RAB39A: variants seen among roughly 807,000 people sequenced by gnomAD.
RAB39A encodes the protein RAB39A, member RAS oncogene family, also known as ras-related protein Rab-39A.
A neutral mutation model predicts 20.9 loss-of-function variants in RAB39A; 17 were observed. That is an observed-to-expected ratio of 0.81 (90% confidence interval 0.56 to 1.22). The LOEUF is 1.22. Among genes scored for constraint, RAB39A ranks in the 50% most tolerant of loss-of-function variants. The pLI is 0.00. For synonymous variants in RAB39A, 99 were observed against 103.4 expected, an observed-to-expected ratio of 0.96 and a Z score of 0.26; for missense variants, 234 against 270.5, an observed-to-expected ratio of 0.87 and a Z score of 0.95.
intron 1 of RAB39A, among the ~76,000 whole-genome samples, chr11:107,956,968 G>T (rs1410644341): frequency 1.3e-5 from 2 of 152,198 alleles, no homozygotes; most frequent in African/African-American, 2.4e-5. Context: ...AAATCTTGAT[G>T]AAATTAAAGA....
At chr11:107,942,080 CAGAG>C (rs371337879) in intron 1 of RAB39A, among the ~76,000 whole-genome samples, 1 of 95,156 alleles carries the variant, frequency 1.1e-5, no homozygotes, top group African/African-American at 4.2e-5. Flanking sequence ...GCCTGGGCAA[CAGAG>C]AGAGATTCCA....
intron 1 of RAB39A, among the ~76,000 whole-genome samples, chr11:107,956,731 A>G (rs986803970): frequency 1.3e-5 from 2 of 152,248 alleles, no homozygotes; most frequent in Non-Finnish European, 2.9e-5. Context: ...TAGTGACACC[A>G]GCCTGCCTGG....
intron 1 of RAB39A, among the ~76,000 whole-genome samples, chr11:107,950,764 TAA>T (rs5794581): frequency 9.9e-5 from 13 of 131,306 alleles, no homozygotes; most frequent in Admixed American, 7.8e-5. Flanking sequence ...AGACCCTGTC[TAA>T]AAAAAAAAAA....
At chr11:107,947,033 C>G (rs1861326435) in intron 1 of RAB39A, among the ~76,000 whole-genome samples, 3 of 151,630 alleles carry the variant, frequency 2.0e-5, no homozygotes, top group African/African-American at 7.3e-5. Context: ...AACTAAAACA[C>G]TCAATATAAA....
At chr11:107,939,745 A>T (rs1024392485) in intron 1 of RAB39A, among the ~76,000 whole-genome samples, 2 of 152,192 alleles carry the variant, frequency 1.3e-5, no homozygotes, top group African/African-American at 4.8e-5. Context: ...TTGAAATAAC[A>T]TTTCCCTGTT....
rs751605622 is a variant in RAB39A, at chr11:107,928,589, C to A, written c.21C>A (p.Tyr7Ter). 2 of 1,573,510 alleles carry A rather than the reference C, an allele frequency of 1.3e-6. No homozygotes were observed. The highest frequency in any genetic ancestry group is 3.4e-5 in the Admixed American group (2 of 58,850). Residue 7 changes from tyrosine (Y) to a stop codon, truncating the protein, a stop_gained, in exon 1 of 2, where the codon TAC (tyrosine) becomes TAA (stop). Coordinates refer to ENST00000320578, the MANE Select transcript of RAB39A (RefSeq NM_017516.3). LOFTEE classifies it high-confidence loss of function. The surrounding 1 kb of genome is among the most constrained non-coding windows in gnomAD (Gnocchi z 4.9). ...GAGCGATGGAGACCATCTGGATCTA[C>A]CAGTTCCGCCTCATCGTGATCGGGG... The part of the protein sequence containing the change: METIWI[Y>*]QFRLIVIGDS...
chr11:107,955,731 A>T (rs1861428509), intron 1 of RAB39A, among the ~76,000 whole-genome samples: 1 of 152,124 alleles, frequency 6.6e-6, no homozygotes, highest in East Asian at 1.9e-4. Context: ...CCTGCTACTC[A>T]GGAGGCTGAG....
chr11:107,930,893 T>C (rs1591239347), intron 1 of RAB39A, among the ~76,000 whole-genome samples: 1 of 151,916 alleles, frequency 6.6e-6, no homozygotes, highest in Admixed American at 6.6e-5. Flanking sequence ...GCTCAACTTA[T>C]TGACAAGAAA....
At chr11:107,954,934 T>G (rs1397242638) in intron 1 of RAB39A, among the ~76,000 whole-genome samples, 1 of 150,988 alleles carries the variant, frequency 6.6e-6, no homozygotes, top group African/African-American at 2.4e-5. Flanking sequence ...AGCCAAGTTA[T>G]AAGCCAAGAA....
intron 1 of RAB39A, among the ~76,000 whole-genome samples, chr11:107,929,344 G>T (rs1262384323): frequency 2.0e-5 from 3 of 152,212 alleles, no homozygotes; most frequent in Non-Finnish European, 4.4e-5. Flanking sequence ...ACTGGGCATG[G>T]TTCACAGAGA....
At chr11:107,957,317 C>G (rs1322382209) in intron 1 of RAB39A, among the ~76,000 whole-genome samples, 2 of 151,886 alleles carry the variant, frequency 1.3e-5, no homozygotes, top group Non-Finnish European at 2.9e-5. Flanking sequence ...ATGGCATAAG[C>G]CTCAAAGGAG....
chr11:107,949,901 G>A (rs563814245), intron 1 of RAB39A, among the ~76,000 whole-genome samples: 7 of 152,200 alleles, frequency 4.6e-5, no homozygotes, highest in South Asian at 2.1e-4. Flanking sequence ...GGCCGGGCGC[G>A]GTGGCTCACA....
At chr11:107,947,587 T>C (rs1861331689) in intron 1 of RAB39A, among the ~76,000 whole-genome samples, 2 of 151,718 alleles carry the variant, frequency 1.3e-5, no homozygotes, top group East Asian at 1.9e-4. Flanking sequence ...CCCACCACAA[T>C]AGATGAAAAT....
At chr11:107,929,168 A>G (rs1233114915) in intron 1 of RAB39A, among the ~76,000 whole-genome samples, 2 of 152,230 alleles carry the variant, frequency 1.3e-5, no homozygotes, top group South Asian at 4.1e-4. Context: ...TGCGCACAGC[A>G]TGACCCGACC....
chr11:107,932,947 G>A (rs74349090), intron 1 of RAB39A, among the ~76,000 whole-genome samples: 7,439 of 152,240 alleles, frequency 0.049, 193 homozygotes, highest in Non-Finnish European at 0.056. Flanking sequence ...CTGGGCTCGT[G>A]TAATCTGCCT....
Position 107,928,501 on chromosome 11 carries a change from G to A in RAB39A, c.-68G>A. 2 of 1,271,154 alleles carry A rather than the reference G, an allele frequency of 1.6e-6. No homozygotes were observed. The highest frequency in any genetic ancestry group is 1.0e-6 in the Non-Finnish European group (1 of 958,336). The allele number at this position is 1,271,154 out of a possible 1,614,324, so 78.7% of individuals were successfully genotyped here. ...GGCGGGCGCCCGCGAGGTGCTGAAA[G>A]GACAGTTCCCGCCGCCGAACTTAGC... is the stretch of plus-strand genomic sequence containing the variant. On this transcript the variant is annotated 5_prime_UTR_variant, in exon 1 of 2. Transcript: ENST00000320578. This position sits in a 1 kb window ranked among gnomAD's most constrained non-coding sequence, Gnocchi z 4.9.
intron 1 of RAB39A, among the ~76,000 whole-genome samples, chr11:107,951,902 C>T (rs1353366833): frequency 6.6e-6 from 1 of 152,102 alleles, no homozygotes; most frequent in Non-Finnish European, 1.5e-5. Context: ...TCTGAGATAT[C>T]ATTTACATTT....
chr11:107,962,310 GT>G lies in RAB39A; in HGVS notation c.594del (p.Pro199GlnfsTer11). 1 of 1,613,784 alleles carries G rather than the reference GT, an allele frequency of 6.2e-7. No individual in the cohort carries two copies. Among genetic ancestry groups the G allele is most frequent in the South Asian group, 1.1e-5 (1 of 91,048 alleles). On this transcript the variant is annotated frameshift_variant, in exon 2 of 2. Transcript: ENST00000320578. LOFTEE classifies it high-confidence loss of function. ...CTGGGAAGGGGTTAAAAGTGGTTTT[GT>G]TCCAAATACTGTGCATTCTTCTGAG... ...DGWEGVKSGF[V>X]PNTVHSSEEA... is the part of the protein sequence containing the mutation.
At chr11:107,951,883 A>G (rs1861384355) in intron 1 of RAB39A, among the ~76,000 whole-genome samples, 1 of 152,064 alleles carries the variant, frequency 6.6e-6, no homozygotes, top group Non-Finnish European at 1.5e-5. Flanking sequence ...AAACTAGACA[A>G]CTGTTTAATC....
Sources: gnomAD v4.1 joint callset for allele counts (sites outside exome capture counted in the v4.1 genomes callset) on GRCh38, gnomAD v4.1.1 for gene constraint, Gnocchi (gnomAD v3.1) non-coding constraint, MANE v1.5 for transcripts, NCBI Gene and HGNC (gene_info 2026-07-23, HGNC 2026-07-21) for gene names.